Variants in NALF1 observed in about 807,000 individuals in gnomAD.
The protein encoded by NALF1 is family with sequence similarity 155 member A.
In NALF1, 3 loss-of-function variants were observed where a neutral mutation model predicts 48.4. That is an observed-to-expected ratio of 0.06 (90% confidence interval 0.03 to 0.16). NALF1 has a LOEUF of 0.16. NALF1 is among the 10% of genes least tolerant of loss of function. NALF1 has a pLI of 1.00. For missense variants in NALF1, 526 were observed against 571.5 expected (o/e 0.92, Z 0.81); for synonymous variants, 262 against 245.7 (o/e 1.07, Z -0.62).
In NALF1 at chr13:107,467,639, A is replaced by G. The variant is rs1319741757; in HGVS notation, c.916-256884T>C. Among the ~76,000 whole-genome samples, 5 of 152,224 alleles carry G rather than the reference A, an allele frequency of 3.3e-5. No individual in the cohort carries two copies. The East Asian group carries it at 9.6e-4, about 29-fold the overall frequency. On this transcript the variant is annotated intron_variant, in intron 1 of 2. Coordinates refer to ENST00000375915, the MANE Select transcript of NALF1 (RefSeq NM_001080396.3). ...AGCAATTAAGAAATTTATTTTATTA[A>G]TATTGCATTTAGTAGGGGAAATAGC... is the stretch of plus-strand genomic sequence containing the variant.
At chr13:107,239,365 C>T (rs1004085690) in intron 1 of NALF1, among the ~76,000 whole-genome samples, 8 of 152,168 alleles carry the variant, frequency 5.3e-5, no homozygotes, top group South Asian at 2.1e-4. Context: ...AGGTGCTTCA[C>T]GCCAGTCTCT....
chr13:107,203,882 G>A (rs1354557906), intron 2 of NALF1, among the ~76,000 whole-genome samples: 1 of 152,244 alleles, frequency 6.6e-6, no homozygotes, highest in Non-Finnish European at 1.5e-5. Flanking sequence ...AAAGGCTGTC[G>A]AGGTGAGCAA....
intron 1 of NALF1, among the ~76,000 whole-genome samples, chr13:107,444,579 C>G (rs1884617355): frequency 1.3e-5 from 2 of 152,020 alleles, no homozygotes; most frequent in Admixed American, 6.6e-5. Context: ...TTGAATGGAC[C>G]CACATGATCA....
In NALF1 at chr13:107,209,491, T is replaced by A. The variant is rs1327436889; in HGVS notation, c.1087+1093A>T. 1.1e-4 allele frequency among the ~76,000 whole-genome samples: 14 copies of A among 125,496 alleles called. No individual in the cohort carries two copies. In the South Asian group the frequency reaches 3.3e-3, roughly 30 times the overall value. The allele number at this position is 125,496 out of a possible 152,430, so 82.3% of individuals were successfully genotyped here. On this transcript the variant is annotated intron_variant, in intron 2 of 2. Coordinates refer to ENST00000375915, the MANE Select transcript of NALF1 (RefSeq NM_001080396.3). ...CAGCCTGGGTGACACAGAGCGAGACTCCATCTCAAAAAAAAAAAAAGAAAG... is the reference window on the plus strand; with the variant it reads ...CAGCCTGGGTGACACAGAGCGAGACACCATCTCAAAAAAAAAAAAAGAAAG...
At chr13:107,239,305 G>C (rs75685737) in intron 1 of NALF1, among the ~76,000 whole-genome samples, 2 of 152,110 alleles carry the variant, frequency 1.3e-5, no homozygotes, top group African/African-American at 4.8e-5. Flanking sequence ...GTTCGGTGCC[G>C]CTCTCCTGCC....
chr13:107,836,656 T>G (rs994567350), intron 1 of NALF1, among the ~76,000 whole-genome samples: 1 of 152,186 alleles, frequency 6.6e-6, no homozygotes, highest in Non-Finnish European at 1.5e-5. Context: ...ATTGTGTATA[T>G]GAAGGGTACT....
At chr13:107,226,111 T>C (rs1333716362) in intron 1 of NALF1, among the ~76,000 whole-genome samples, 1 of 152,098 alleles carries the variant, frequency 6.6e-6, no homozygotes, top group African/African-American at 2.4e-5. Context: ...GGAAAACTAT[T>C]GACCTTGGTA....
In NALF1 at chr13:107,167,805, G is replaced by A. The variant is rs189206811; in HGVS notation, c.*2692C>T. 6.6e-6 allele frequency: 1 copy of A among 152,154 alleles called. No homozygotes were observed. The highest frequency in any genetic ancestry group is 2.4e-5 in the African/African-American group (1 of 41,480). 9.4% of individuals were successfully genotyped at this position (152,154 alleles called of 1,614,324 possible). The stretch of plus-strand genomic sequence containing the variant: ...TGTGTACCTCTTATGTAAAGCAATG[G>A]TGGTTTTAGTTTTCCACCTTTTGGT... On this transcript the variant is annotated 3_prime_UTR_variant, in exon 3 of 3. Coordinates refer to ENST00000375915, the MANE Select transcript of NALF1 (RefSeq NM_001080396.3).
intron 1 of NALF1, among the ~76,000 whole-genome samples, chr13:107,739,827 C>G (rs761262525): frequency 2.0e-5 from 3 of 152,148 alleles, no homozygotes; most frequent in Non-Finnish European, 4.4e-5. Flanking sequence ...GTGGCAGCAT[C>G]AGATGCACAT....
In NALF1 at chr13:107,379,680, T is replaced by A. The variant is rs182202509; in HGVS notation, c.916-168925A>T. 8.1e-4 allele frequency among the ~76,000 whole-genome samples: 124 copies of A among 152,288 alleles called. 1 individual carries two copies. In the East Asian group the frequency reaches 0.022, roughly 27 times the overall value. On this transcript the variant is annotated intron_variant, in intron 1 of 2. Coordinates refer to ENST00000375915, the MANE Select transcript of NALF1 (RefSeq NM_001080396.3). ...GCTCAGCTGTAAGCCACCTAGAGAA[T>A]TCTCTTTCTCCTCTGCTTCACTTCT...
At chr13:107,640,587 T>G (rs1880124319) in intron 1 of NALF1, among the ~76,000 whole-genome samples, 1 of 152,192 alleles carries the variant, frequency 6.6e-6, no homozygotes. Flanking sequence ...CAAGTGTTCT[T>G]CAGAGATGAC....
intron 1 of NALF1, among the ~76,000 whole-genome samples, chr13:107,394,525 T>C (rs556726000): frequency 6.6e-6 from 1 of 152,178 alleles, no homozygotes; most frequent in Non-Finnish European, 1.5e-5. Context: ...GGCCTGTGTA[T>C]AGACATATCT....
intron 1 of NALF1, among the ~76,000 whole-genome samples, chr13:107,724,233 A>T (rs1023662062): frequency 2.0e-5 from 3 of 151,990 alleles, no homozygotes; most frequent in African/African-American, 4.8e-5. Context: ...AAGGTTTCAA[A>T]TTTTGCTCTT....
intron 1 of NALF1, among the ~76,000 whole-genome samples, chr13:107,631,300 T>C (rs971804492): frequency 6.6e-6 from 1 of 152,182 alleles, no homozygotes; most frequent in Non-Finnish European, 1.5e-5. Context: ...CTGCTTGCTA[T>C]ACTGGAGACC....
chr13:107,764,380 T>A (rs1205034704), intron 1 of NALF1, among the ~76,000 whole-genome samples: 1 of 152,164 alleles, frequency 6.6e-6, no homozygotes, highest in African/African-American at 2.4e-5. Flanking sequence ...TGTATGTGTA[T>A]ATATTATATA....
chr13:107,729,183 A>T (rs901462699), intron 1 of NALF1, among the ~76,000 whole-genome samples: 3 of 152,168 alleles, frequency 2.0e-5, no homozygotes, highest in African/African-American at 7.2e-5. Context: ...TTTTTTATTT[A>T]AAAAATGTAT....
intron 1 of NALF1, among the ~76,000 whole-genome samples, chr13:107,295,435 G>A (rs1167273292): frequency 6.6e-6 from 1 of 152,140 alleles, no homozygotes; most frequent in Non-Finnish European, 1.5e-5. Flanking sequence ...ATTGTGAATA[G>A]TATGCAGTGC....
chr13:107,488,074 T>C (rs1018729113), intron 1 of NALF1, among the ~76,000 whole-genome samples: 1 of 152,110 alleles, frequency 6.6e-6, no homozygotes, highest in Admixed American at 6.6e-5. Flanking sequence ...TTTATAATAC[T>C]CTCTGATGGT....
intron 1 of NALF1, among the ~76,000 whole-genome samples, chr13:107,322,983 G>C (rs1242343469): frequency 2.0e-5 from 3 of 152,038 alleles, no homozygotes; most frequent in Non-Finnish European, 4.4e-5. Context: ...TATTTTTTGA[G>C]ATCCACCACA....
Sources: gnomAD v4.1 joint callset for allele counts (sites outside exome capture counted in the v4.1 genomes callset) on GRCh38, gnomAD v4.1.1 for gene constraint, MANE v1.5 for transcripts, NCBI Gene and HGNC (gene_info 2026-07-23, HGNC 2026-07-21) for gene names.